The following TCF12 variants were observed in gnomAD, a reference collection of about 807,000 sequenced individuals.
The protein encoded by TCF12 is transcription factor 12.
Under a neutral mutation model 86.0 loss-of-function variants are expected in TCF12, and 45 were observed. The ratio of observed to expected loss-of-function variants is 0.52; its 90% CI spans 0.41 to 0.67. TCF12 has a LOEUF of 0.67. Among genes scored for constraint, TCF12 ranks in the 30% least tolerant of loss-of-function variants. The pLI is 0.00. For missense variants in TCF12, 881 were observed against 859.9 expected (o/e 1.02, Z -0.31); for synonymous variants, 330 against 299.6 (o/e 1.10, Z -1.05).
At chr15:57,030,863 A>G (rs748546229) in intron 3 of TCF12, among the ~76,000 whole-genome samples, 2 of 152,200 alleles carry the variant, frequency 1.3e-5, no homozygotes, top group Non-Finnish European at 2.9e-5. Flanking sequence ...TGTAGAAGTG[A>G]GTTACTGTAG....
chr15:56,926,719 G>A (rs1373758359), intron 3 of TCF12, among the ~76,000 whole-genome samples: 3 of 152,218 alleles, frequency 2.0e-5, no homozygotes, highest in African/African-American at 7.2e-5. Flanking sequence ...GACTACAGGT[G>A]TTCAGATCCA....
At chr15:56,984,185 A>G (rs1321350779) in intron 3 of TCF12, among the ~76,000 whole-genome samples, 1 of 151,858 alleles carries the variant, frequency 6.6e-6, no homozygotes. Context: ...ACACGTGAAC[A>G]CATTTATACA....
At chr15:56,981,315 A>G (rs1490284818) in intron 3 of TCF12, among the ~76,000 whole-genome samples, 1 of 152,240 alleles carries the variant, frequency 6.6e-6, no homozygotes, top group Non-Finnish European at 1.5e-5. Context: ...TCTGGTTCTA[A>G]GAGATGTCTT....
intron 3 of TCF12, among the ~76,000 whole-genome samples, chr15:56,945,108 G>A (rs1367416895): frequency 2.6e-5 from 4 of 152,062 alleles, no homozygotes; most frequent in Admixed American, 6.6e-5. Context: ...ATTATATGTG[G>A]CATTAAAACT....
At chr15:56,973,572 A>G (rs1277321619) in intron 3 of TCF12, among the ~76,000 whole-genome samples, 1 of 152,154 alleles carries the variant, frequency 6.6e-6, no homozygotes, top group East Asian at 1.9e-4. Context: ...GGAACAATAG[A>G]TTTAGAAAAT....
At chr15:57,275,363 T>TGTGTGTGTGTGTGTGTGTGTAC (rs1251014250) in intron 19 of TCF12, among the ~76,000 whole-genome samples, 4 of 147,352 alleles carry the variant, frequency 2.7e-5, no homozygotes, top group Admixed American at 1.3e-4. Flanking sequence ...TGTGTGTGTG[T>TGTGTGTGTGTGTGTGTGTGTAC]ACGTATGTAG....
At chr15:57,290,364 G>C (rs1042562234), downstream of TCF12, among the ~76,000 whole-genome samples, 1 of 149,326 alleles carries the variant, frequency 6.7e-6, no homozygotes, top group African/African-American at 2.5e-5. Context: ...AAAAAAAAGA[G>C]TGAGCCAGTA....
chr15:57,258,212 C>T (rs991810119), intron 16 of TCF12, among the ~76,000 whole-genome samples: 1 of 151,966 alleles, frequency 6.6e-6, no homozygotes, highest in Admixed American at 6.6e-5. Context: ...GCCAGGAGTT[C>T]AAGGCTCCAG....
chr15:57,081,135 ATTTTG>A (rs1406115545), intron 4 of TCF12, among the ~76,000 whole-genome samples: 1 of 152,056 alleles, frequency 6.6e-6, no homozygotes, highest in African/African-American at 2.4e-5. Flanking sequence ...GGGTAGTTAA[ATTTTG>A]TTTTGTTTTG....
chr15:56,950,588 C>T (rs368775362), intron 3 of TCF12, among the ~76,000 whole-genome samples: 18 of 151,914 alleles, frequency 1.2e-4, no homozygotes, highest in African/African-American at 3.4e-4. Context: ...TGGCTTAAAT[C>T]GGCATAATTA....
intron 18 of TCF12, among the ~76,000 whole-genome samples, chr15:57,271,890 A>T (rs1468850944): frequency 6.6e-6 from 1 of 152,176 alleles, no homozygotes; most frequent in Non-Finnish European, 1.5e-5. Context: ...CAAGTGTAAA[A>T]GTTATTTAAC....
intron 3 of TCF12, among the ~76,000 whole-genome samples, chr15:57,063,257 T>C (rs542021729): frequency 3.3e-5 from 5 of 152,360 alleles, no homozygotes; most frequent in African/African-American, 9.6e-5. Flanking sequence ...ATGGTTGATA[T>C]AGTTAGATTT....
intron 4 of TCF12, among the ~76,000 whole-genome samples, chr15:57,089,288 A>G (rs1458834410): frequency 1.3e-5 from 2 of 152,174 alleles, no homozygotes; most frequent in Non-Finnish European, 2.9e-5. Flanking sequence ...TGCCTTACTG[A>G]TACTTGATAT....
At chr15:57,156,931 CAG>C (rs1199764434) in intron 5 of TCF12, among the ~76,000 whole-genome samples, 3 of 152,170 alleles carry the variant, frequency 2.0e-5, no homozygotes, top group Admixed American at 6.5e-5. Context: ...TTGGTGGAAA[CAG>C]AGTCAGTGTG....
At chr15:57,264,931 T>C (rs2060780359) in intron 18 of TCF12, among the ~76,000 whole-genome samples, 1 of 152,026 alleles carries the variant, frequency 6.6e-6, no homozygotes, top group Admixed American at 6.6e-5. Context: ...GATTTCGCCA[T>C]GTTGGCCAGG....
chr15:56,925,875 G>A (rs561659830), intron 3 of TCF12, among the ~76,000 whole-genome samples: 1 of 152,332 alleles, frequency 6.6e-6, no homozygotes, highest in Non-Finnish European at 1.5e-5. Context: ...ATATTCAAAA[G>A]ACTAATGAAT....
At position 57,275,327 on chromosome 15, in the gene TCF12, G is replaced by GGGGTGTGTGTGTGTGTGTGT. The variant is rs2061328433; in HGVS notation, c.1978+2066_1978+2067insGGTGTGTGTGTGTGTGTGTG. On this transcript the variant is annotated intron_variant, in intron 19 of 20. Transcript: ENST00000333725. ...AGCCCAGGGATCTTTGTAAGGTAGG[G>GGGGTGTGTGTGTGTGTGTGT]GTGTGTGTGTGTGTGTGTGTGTGTG... Among the ~76,000 whole-genome samples, 6 of 64,060 alleles carry GGGGTGTGTGTGTGTGTGTGT rather than the reference G, an allele frequency of 9.4e-5. No homozygotes were observed. In the Admixed American group the frequency reaches 1.0e-3, roughly 11 times the overall value. 42.0% of individuals were successfully genotyped at this position (64,060 alleles called of 152,430 possible). A position where few individuals can be genotyped will look rare whatever the true frequency, so the allele number is the denominator to read the frequency against.
chr15:57,141,682 A>G (rs2052978747), intron 5 of TCF12, among the ~76,000 whole-genome samples: 1 of 152,194 alleles, frequency 6.6e-6, no homozygotes, highest in South Asian at 2.1e-4. Flanking sequence ...ATTAACAGTT[A>G]TTTCACTGGA....
At chr15:56,956,740 A>G (rs1007769619) in intron 3 of TCF12, among the ~76,000 whole-genome samples, 1 of 152,160 alleles carries the variant, frequency 6.6e-6, no homozygotes, top group Non-Finnish European at 1.5e-5. Flanking sequence ...TGAGAAATCT[A>G]ATGATAGTCT....
Sources: gnomAD v4.1 joint callset for allele counts (sites outside exome capture counted in the v4.1 genomes callset) on GRCh38, gnomAD v4.1.1 for gene constraint, MANE v1.5 for transcripts, NCBI Gene and HGNC (gene_info 2026-07-23, HGNC 2026-07-21) for gene names.